Variants in ANO1 observed in about 807,000 individuals in gnomAD.
ANO1 encodes anoctamin-1.
In ANO1, 59 loss-of-function variants were observed where a neutral mutation model predicts 124.0. That is an observed-to-expected ratio of 0.48 (90% CI 0.39 to 0.59). ANO1 has a LOEUF of 0.59. Among genes scored for constraint, ANO1 ranks in the 20% least tolerant of loss-of-function variants. ANO1 has a pLI of 0.00. For synonymous variants in ANO1, 529 were observed against 532.0 expected (o/e 0.99, Z 0.08); for missense variants, 1,059 against 1,328.0 (o/e 0.80, Z 3.15).
intron 22 of ANO1, among the ~76,000 whole-genome samples, chr11:70,173,207 C>T (rs571587616): frequency 5.5e-4 from 84 of 152,232 alleles, no homozygotes; most frequent in Non-Finnish European, 1.0e-3. Context: ...AGTGATTCAC[C>T]CGGCAGCTTC....
the ANO1 span, among the ~76,000 whole-genome samples, chr11:69,973,445 A>G: frequency 1.3e-5 from 2 of 152,096 alleles, no homozygotes; most frequent in African/African-American, 2.4e-5. Context: ...AATATTTTCC[A>G]CTGGCCCTGA....
chr11:69,968,170 G>A, the ANO1 span, among the ~76,000 whole-genome samples: 2 of 152,174 alleles, frequency 1.3e-5, no homozygotes, highest in African/African-American at 4.8e-5. Flanking sequence ...TGGCCCTGTG[G>A]GAACTCGGGA....
At chr11:70,095,291 G>GGAAAGAAAGAAA (rs1565193223) in intron 2 of ANO1, among the ~76,000 whole-genome samples, 1 of 75,280 alleles carries the variant, frequency 1.3e-5, no homozygotes, top group Non-Finnish European at 2.8e-5. Flanking sequence ...AAGGAAGGAA[G>GGAAAGAAAGAAA]GAAGGAAGGA....
chr11:69,999,357 G>C (rs1856336611), intron 1 of ANO1, among the ~76,000 whole-genome samples: 1 of 152,164 alleles, frequency 6.6e-6, no homozygotes, highest in Non-Finnish European at 1.5e-5. Flanking sequence ...AACCACGCTT[G>C]AGAAACTGTC....
At chr11:70,049,415 G>A (rs1857313917) in intron 1 of ANO1, among the ~76,000 whole-genome samples, 1 of 152,332 alleles carries the variant, frequency 6.6e-6, no homozygotes, top group Admixed American at 6.5e-5. Flanking sequence ...GATTGTCCCT[G>A]ACTCAAAAGT....
intron 1 of ANO1, among the ~76,000 whole-genome samples, chr11:70,020,649 C>A (rs1228625803): frequency 2.0e-5 from 3 of 152,208 alleles, no homozygotes; most frequent in African/African-American, 7.2e-5. Context: ...CGGTGTGAAG[C>A]TTCAGCCTAA....
chr11:70,054,048 A>G (rs782712286), intron 1 of ANO1, among the ~76,000 whole-genome samples: 2 of 152,014 alleles, frequency 1.3e-5, no homozygotes, highest in African/African-American at 4.8e-5. Flanking sequence ...CTTGTTATCT[A>G]TCATTTGTGT....
At chr11:70,029,092 G>A (rs1856957651) in intron 1 of ANO1, among the ~76,000 whole-genome samples, 2 of 152,216 alleles carry the variant, frequency 1.3e-5, no homozygotes. Context: ...CAGATCCTAA[G>A]TTTCTTGAAG....
rs1248557784 is a variant in ANO1 at position 70,156,931 on chromosome 11, T to C, written c.1504-16T>C. The C allele has an allele frequency of 1.2e-6, 2 of 1,612,232 alleles. No individual in the cohort carries two copies. The highest frequency in any genetic ancestry group is 1.7e-5 in the Admixed American group (1 of 59,910). On this transcript the variant is annotated splice_polypyrimidine_tract_variant and intron_variant, in intron 15 of 25. Transcript: ENST00000355303. Reference sequence around the variant, plus strand: ...TGATGGTTCCAGACAGTGACCGGCATTGTTTTGTGTTGTAGACTGACAAAG... The same window carrying C: ...TGATGGTTCCAGACAGTGACCGGCACTGTTTTGTGTTGTAGACTGACAAAG...
intron 1 of ANO1, among the ~76,000 whole-genome samples, chr11:70,012,431 CATCT>C (rs144344055): frequency 0.044 from 6,631 of 150,714 alleles, 482 homozygotes; most frequent in African/African-American, 0.15. Context: ...TTACTCCATC[CATCT>C]ATCCATTCAT....
At chr11:70,097,599 A>T (rs911925741) in intron 2 of ANO1, among the ~76,000 whole-genome samples, 2 of 152,176 alleles carry the variant, frequency 1.3e-5, no homozygotes, top group Non-Finnish European at 2.9e-5. Context: ...ATTCCTCCAC[A>T]TCTACTGTTC....
At chr11:69,994,147 G>A (rs1234066978) in intron 1 of ANO1, among the ~76,000 whole-genome samples, 6 of 151,270 alleles carry the variant, frequency 4.0e-5, no homozygotes, top group Admixed American at 1.3e-4. Context: ...AGCGGTGCAT[G>A]GGCTAGCTGA....
intron 16 of ANO1, among the ~76,000 whole-genome samples, chr11:70,160,641 C>T (rs2048005199): frequency 6.6e-6 from 1 of 152,190 alleles, no homozygotes; most frequent in African/African-American, 2.4e-5. Flanking sequence ...CCAGGGGAGT[C>T]CCTGGGAGGT....
At chr11:70,091,741 C>T (rs1411799398) in intron 2 of ANO1, among the ~76,000 whole-genome samples, 2 of 152,134 alleles carry the variant, frequency 1.3e-5, no homozygotes, top group East Asian at 3.9e-4. Flanking sequence ...CCTGGGGCGC[C>T]GGTGGGTGGG....
chr11:70,073,369 C>T (rs4536256), upstream of ANO1, among the ~76,000 whole-genome samples: 245 of 152,296 alleles, frequency 1.6e-3, 4 homozygotes, highest in East Asian at 0.038. Flanking sequence ...CAGGAGGGTG[C>T]GTCCGTCCGT....
chr11:70,044,881 A>C (rs1555005401), intron 1 of ANO1, among the ~76,000 whole-genome samples: 1 of 152,208 alleles, frequency 6.6e-6, no homozygotes, highest in Non-Finnish European at 1.5e-5. Context: ...CTGGAAAAAC[A>C]AGCTGTTAAA....
chr11:70,012,681 G>A (rs782330565), intron 1 of ANO1, among the ~76,000 whole-genome samples: 33 of 124,314 alleles, frequency 2.7e-4, no homozygotes, highest in Middle Eastern at 7.8e-3. Flanking sequence ...CCATCTATCC[G>A]TCCTTTCCTT....
At chr11:70,111,315 C>T in intron 6 of ANO1, 1 of 480,490 alleles carries the variant, frequency 2.1e-6, no homozygotes, top group Non-Finnish European at 4.0e-6. Flanking sequence ...CTTCTCTAAC[C>T]ACTTACAATC....
chr11:70,085,276 A>G, intron 1 of ANO1: 1 of 1,058,160 alleles, frequency 9.5e-7, no homozygotes, highest in Non-Finnish European at 1.3e-6. Context: ...GGGGCTGGGC[A>G]TGGGAACCCA....
Sources: allele counts gnomAD v4.1 joint callset (sites outside exome capture counted in the v4.1 genomes callset), GRCh38; gene constraint gnomAD v4.1.1; transcripts MANE v1.5; gene names NCBI Gene and HGNC (gene_info 2026-07-23, HGNC 2026-07-21).